NAV2: variants seen among roughly 807,000 people sequenced by gnomAD.
NAV2 encodes helicase, APC down-regulated 1.
A neutral mutation model predicts 223.2 loss-of-function variants in NAV2; 54 were observed. That is an observed-to-expected ratio of 0.24 (90% CI 0.19 to 0.30). The LOEUF (loss-of-function observed/expected upper bound fraction) is 0.30, where lower values mean the gene tolerates loss of function less well. Ranked by LOEUF, NAV2 falls within the 10% of genes least tolerant of loss-of-function variation. The pLI is 1.00. For synonymous variants in NAV2, 1,279 were observed against 1,239.3 expected (o/e 1.03, Z -0.67); for missense variants, 2,806 against 3,147.5 (o/e 0.89, Z 2.60).
intron 1 of NAV2, among the ~76,000 whole-genome samples, chr11:19,535,836 A>G (rs1338743540): frequency 1.3e-5 from 2 of 152,164 alleles, no homozygotes; most frequent in Non-Finnish European, 2.9e-5. Context: ...AGGAAAGCAC[A>G]CAATAAATGT....
Position 20,044,988 on chromosome 11 carries a change from G to T in NAV2, c.3220G>T (p.Val1074Leu). The change falls in exon 14 of 38, where the codon GTG becomes TTG. Residue 1074 changes from valine to leucine, a missense_variant. Val to Leu is a conservative substitution (Grantham distance 32). Around this residue, in one of 4 missense-constraint regions of NAV2, gnomAD observed 742 missense variants for 777.9 expected, o/e 0.95. Coordinates refer to ENST00000349880, the MANE Select transcript of NAV2 (RefSeq NM_145117.5). ...CTTAGGAAAAACAGACGACGCAAAG[G>T]TGTCTGAGAAAGGAAGGCTTTCTCC... ...PGTGKTDDAK[V>L]SEKGRLSPKA... 6.2e-7 allele frequency: 1 copy of T among 1,612,350 alleles called. No homozygotes were observed. Among genetic ancestry groups the T allele is most frequent in the Non-Finnish European group, 8.5e-7 (1 of 1,179,448 alleles).
chr11:20,070,328 C>G (rs899067497), intron 22 of NAV2, among the ~76,000 whole-genome samples: 1 of 152,198 alleles, frequency 6.6e-6, no homozygotes, highest in Non-Finnish European at 1.5e-5. Context: ...TTCTGAGCTA[C>G]TCTCCTAGTT....
intron 1 of NAV2, among the ~76,000 whole-genome samples, chr11:19,602,505 T>TCCCC (rs1451366673): frequency 6.6e-5 from 10 of 152,074 alleles, no homozygotes; most frequent in Non-Finnish European, 7.4e-5. Context: ...AGGGAGAGTA[T>TCCCC]ATTAGTTTCC....
chr11:20,033,200 T>A (rs1454408976), intron 11 of NAV2, among the ~76,000 whole-genome samples: 4 of 152,250 alleles, frequency 2.6e-5, no homozygotes, highest in Non-Finnish European at 5.9e-5. Context: ...ATGGGCAGGA[T>A]GATACCTACC....
At chr11:20,091,266 C>T (rs1565043471) in intron 27 of NAV2, among the ~76,000 whole-genome samples, 1 of 152,190 alleles carries the variant, frequency 6.6e-6, no homozygotes, top group Non-Finnish European at 1.5e-5. Context: ...GCATGTGGTA[C>T]AGTCTCCTTC....
At chr11:19,749,402 T>C (rs2053625042) in intron 1 of NAV2, among the ~76,000 whole-genome samples, 1 of 152,204 alleles carries the variant, frequency 6.6e-6, no homozygotes, top group Non-Finnish European at 1.5e-5. Context: ...ATGTCGTTAT[T>C]TTTTATGATG....
At chr11:19,788,693 C>T (rs945918975) in intron 1 of NAV2, among the ~76,000 whole-genome samples, 3 of 152,166 alleles carry the variant, frequency 2.0e-5, no homozygotes, top group Non-Finnish European at 2.9e-5. Flanking sequence ...TTTGGTTGCT[C>T]ACCAGGCCCC....
At chr11:20,039,790 G>A (rs140491173) in intron 12 of NAV2, among the ~76,000 whole-genome samples, 53 of 152,248 alleles carry the variant, frequency 3.5e-4, no homozygotes, top group African/African-American at 1.3e-3. Context: ...TAACATATGC[G>A]GAGGAAAAAG....
At chr11:19,557,166 C>A (rs2044922608) in intron 1 of NAV2, among the ~76,000 whole-genome samples, 1 of 152,218 alleles carries the variant, frequency 6.6e-6, no homozygotes, top group Non-Finnish European at 1.5e-5. Context: ...GATGCCATAT[C>A]ATTTAACCCG....
chr11:20,036,118 C>T (rs2056339046), intron 12 of NAV2, 21 bp downstream of exon 12: 1 of 1,613,866 alleles, frequency 6.2e-7, no homozygotes, highest in African/African-American at 1.3e-5. Context: ...CAGGCCCTCC[C>T]AGGCTCCTCC....
chr11:19,485,440 C>A (rs1030074700), intron 1 of NAV2, among the ~76,000 whole-genome samples: 1 of 152,094 alleles, frequency 6.6e-6, no homozygotes, highest in Non-Finnish European at 1.5e-5. Context: ...ACCAGACTAG[C>A]AGGAAGTTAC....
intron 12 of NAV2, among the ~76,000 whole-genome samples, chr11:20,041,742 C>G (rs2056933883): frequency 6.6e-6 from 1 of 152,164 alleles, no homozygotes; most frequent in African/African-American, 2.4e-5. Context: ...GTTCCAAAGC[C>G]AAGTTATTTT....
intron 1 of NAV2, among the ~76,000 whole-genome samples, chr11:19,657,164 T>G (rs1378243877): frequency 6.6e-6 from 1 of 151,988 alleles, no homozygotes; most frequent in African/African-American, 2.4e-5. Context: ...CTAGAAAGTA[T>G]GGATAGAGAT....
chr11:19,975,361 T>G (rs909037366), intron 10 of NAV2, among the ~76,000 whole-genome samples: 1 of 152,246 alleles, frequency 6.6e-6, no homozygotes, highest in Non-Finnish European at 1.5e-5. Flanking sequence ...AAGTACACTA[T>G]TGTTATAATC....
At chr11:19,882,373 G>T (rs1398817161) in intron 5 of NAV2, among the ~76,000 whole-genome samples, 2 of 152,236 alleles carry the variant, frequency 1.3e-5, no homozygotes, top group African/African-American at 4.8e-5. Context: ...TAGATTCCTG[G>T]TTTGAACAGT....
chr11:19,931,517 C>T (rs2045335231), intron 6 of NAV2, among the ~76,000 whole-genome samples: 1 of 149,654 alleles, frequency 6.7e-6, no homozygotes, highest in South Asian at 2.1e-4. Context: ...GCTTCAGCAG[C>T]CGTTGACTTT....
chr11:19,680,760 C>T (rs1207908595), intron 1 of NAV2, among the ~76,000 whole-genome samples: 1 of 152,218 alleles, frequency 6.6e-6, no homozygotes, highest in Non-Finnish European at 1.5e-5. Flanking sequence ...TGGCATATGG[C>T]AAGCATTCCA....
At chr11:19,526,315 T>C (rs1474172049) in intron 1 of NAV2, among the ~76,000 whole-genome samples, 1 of 152,190 alleles carries the variant, frequency 6.6e-6, no homozygotes, top group African/African-American at 2.4e-5. Context: ...CGTCCTCTGT[T>C]AGGTAATATC....
chr11:19,946,368 G>A (rs952320915), intron 8 of NAV2, 33 bp from the exon 9 acceptor site: 6 of 1,584,786 alleles, frequency 3.8e-6, no homozygotes, highest in Non-Finnish European at 5.2e-6. Context: ...GTTGGTCAGA[G>A]AATTAAACTA....
Sources: gnomAD v4.1 joint callset for allele counts (sites outside exome capture counted in the v4.1 genomes callset) on GRCh38, gnomAD v4.1.1 for gene constraint, gnomAD v4.1.1 regional missense constraint, MANE v1.5 for transcripts, NCBI Gene and HGNC (gene_info 2026-07-23, HGNC 2026-07-21) for gene names.